IL1RAPL1: variants seen among roughly 807,000 people sequenced by gnomAD.
IL1RAPL1 encodes interleukin 1 receptor accessory protein like 1.
In IL1RAPL1, 3 loss-of-function variants were observed where a neutral mutation model predicts 48.4. The ratio of observed to expected loss-of-function variants is 0.06; its 90% CI spans 0.03 to 0.16. IL1RAPL1 has a LOEUF of 0.16. IL1RAPL1 is among the 10% of genes least tolerant of loss of function. IL1RAPL1 has a pLI of 1.00. For missense variants in IL1RAPL1, 349 were observed against 530.6 expected, an observed-to-expected ratio of 0.66 and a Z score of 3.36; for synonymous variants, 185 against 187.7, an observed-to-expected ratio of 0.99 and a Z score of 0.12.
chrX:29,800,722 C>T (rs185715522), intron 6 of IL1RAPL1, among the ~76,000 whole-genome samples: 74 of 105,897 alleles, frequency 7.0e-4, no homozygotes, highest in Non-Finnish European at 1.1e-3. Flanking sequence ...CAGTGGCTCA[C>T]GCCTGTAATC....
chrX:29,791,336 G>C (rs971291243), intron 6 of IL1RAPL1, among the ~76,000 whole-genome samples: 1 of 110,763 alleles, frequency 9.0e-6, no homozygotes, highest in Non-Finnish European at 1.9e-5. Context: ...CTGAATGATA[G>C]TATATTAATA....
chrX:29,117,734 A>C (rs751381262), intron 2 of IL1RAPL1, among the ~76,000 whole-genome samples: 18 of 111,556 alleles, frequency 1.6e-4, no homozygotes, highest in Non-Finnish European at 3.2e-4. Flanking sequence ...AACTCATCTC[A>C]AATGTTAGCA....
chrX:28,718,209 C>T (rs1358318384), intron 1 of IL1RAPL1, among the ~76,000 whole-genome samples: 1 of 111,031 alleles, frequency 9.0e-6, no homozygotes, highest in Non-Finnish European at 1.9e-5. Context: ...CAGTAAAATG[C>T]ATTAATACAT....
intron 6 of IL1RAPL1, among the ~76,000 whole-genome samples, chrX:29,711,546 T>A (rs1389895005): frequency 9.0e-6 from 1 of 111,726 alleles, no homozygotes; most frequent in Non-Finnish European, 1.9e-5. Context: ...TTTACAGATA[T>A]AAATTTGAAG....
At chrX:29,004,573 C>T (rs971090210) in intron 2 of IL1RAPL1, among the ~76,000 whole-genome samples, 3 of 112,349 alleles carry the variant, frequency 2.7e-5, no homozygotes, top group African/African-American at 9.7e-5. Context: ...AGGAATACTG[C>T]ATAGAGGGAA....
rs913456354 is a variant in IL1RAPL1, at chrX:29,837,331, G to A, written c.779-80133G>A. On this transcript the variant is annotated intron_variant, in intron 6 of 10. Coordinates refer to ENST00000378993, the MANE Select transcript of IL1RAPL1 (RefSeq NM_014271.4). ...CACACACACACACACATATATAGAC[G>A]GAGAGAAGGTGAAGAGTTGAGTAAA... Among the ~76,000 whole-genome samples, 68 of 87,771 alleles carry A rather than the reference G, an allele frequency of 7.7e-4. 1 individual carries two copies. The highest frequency in any genetic ancestry group is 2.7e-3 in the African/African-American group (61 of 22,944). 76.2% of individuals were successfully genotyped at this position (87,771 alleles called of 115,157 possible).
chrX:28,972,726 A>G (rs189478830), intron 2 of IL1RAPL1, among the ~76,000 whole-genome samples: 91 of 111,397 alleles, frequency 8.2e-4, no homozygotes, highest in African/African-American at 2.7e-3. Context: ...GCAACAGAGC[A>G]AGACTCTGTC....
At chrX:29,008,364 T>C (rs1230994091) in intron 2 of IL1RAPL1, among the ~76,000 whole-genome samples, 1 of 110,874 alleles carries the variant, frequency 9.0e-6, no homozygotes, top group Non-Finnish European at 1.9e-5. Flanking sequence ...TTAGTAGAGA[T>C]GGAGTTTCAC....
intron 5 of IL1RAPL1, among the ~76,000 whole-genome samples, chrX:29,469,754 G>A (rs1934901991): frequency 9.0e-6 from 1 of 111,554 alleles, no homozygotes; most frequent in Admixed American, 9.5e-5. Flanking sequence ...TCCCTTCTTG[G>A]TAACCTTGGC....
chrX:29,769,633 T>TTTG (rs1929008027), intron 6 of IL1RAPL1, among the ~76,000 whole-genome samples: 1 of 90,620 alleles, frequency 1.1e-5, no homozygotes, highest in African/African-American at 4.2e-5. Flanking sequence ...TTTTTTTTTT[T>TTTG]TGAGATGGAG....
chrX:29,721,511 TCA>T (rs767026202), intron 6 of IL1RAPL1, among the ~76,000 whole-genome samples: 1 of 111,482 alleles, frequency 9.0e-6, no homozygotes, highest in South Asian at 3.8e-4. Flanking sequence ...TCATAAACAT[TCA>T]AAAAACTTGA....
At chrX:29,238,405 ATTTG>A (rs1158447198) in intron 2 of IL1RAPL1, among the ~76,000 whole-genome samples, 1 of 111,721 alleles carries the variant, frequency 9.0e-6, no homozygotes, top group African/African-American at 3.3e-5. Flanking sequence ...CAGACTTCTT[ATTTG>A]TTCTTCCTGT....
intron 1 of IL1RAPL1, among the ~76,000 whole-genome samples, chrX:28,737,149 C>T (rs868072855): frequency 3.5e-4 from 9 of 25,411 alleles, no homozygotes; most frequent in Admixed American, 6.3e-4. Context: ...TTCCTTCCTT[C>T]CTTCCTTCCT....
intron 3 of IL1RAPL1, among the ~76,000 whole-genome samples, chrX:29,377,360 C>T (rs981883853): frequency 2.2e-4 from 25 of 111,630 alleles, no homozygotes; most frequent in Admixed American, 4.8e-4. Flanking sequence ...TATTTACATT[C>T]GGGGTTAGTA....
intron 2 of IL1RAPL1, among the ~76,000 whole-genome samples, chrX:28,823,383 T>G (rs1048992351): frequency 9.0e-6 from 1 of 111,564 alleles, no homozygotes; most frequent in Non-Finnish European, 1.9e-5. Context: ...AACTATTAAC[T>G]GGCTTTGTAA....
chrX:29,640,364 G>T (rs1192408446), intron 5 of IL1RAPL1, among the ~76,000 whole-genome samples: 5 of 111,643 alleles, frequency 4.5e-5, no homozygotes, highest in Non-Finnish European at 7.5e-5. Context: ...TTCAGCCCAT[G>T]GCTTTAAATA....
At chrX:28,854,461 A>G (rs1233085502) in intron 2 of IL1RAPL1, among the ~76,000 whole-genome samples, 2 of 95,784 alleles carry the variant, frequency 2.1e-5, no homozygotes, top group Non-Finnish European at 4.1e-5. Flanking sequence ...AAGTTTAGGA[A>G]GATGTGAAAT....
chrX:28,716,963 T>G (rs1189562092), intron 1 of IL1RAPL1, among the ~76,000 whole-genome samples: 1 of 111,610 alleles, frequency 9.0e-6, no homozygotes, highest in Admixed American at 9.5e-5. Context: ...TGAGATACCA[T>G]CTCACACCAG....
intron 2 of IL1RAPL1, among the ~76,000 whole-genome samples, chrX:28,888,362 G>T (rs1050964202): frequency 8.9e-6 from 1 of 111,787 alleles, no homozygotes; most frequent in Admixed American, 9.5e-5. Context: ...AAAATTTCTG[G>T]CCATGTGGCC....
Sources: allele counts gnomAD v4.1 joint callset (sites outside exome capture counted in the v4.1 genomes callset), GRCh38; gene constraint gnomAD v4.1.1; transcripts MANE v1.5; gene names NCBI Gene and HGNC (gene_info 2026-07-23, HGNC 2026-07-21).